Variants in DPP10 observed in about 807,000 individuals in gnomAD.
DPP10 encodes dipeptidyl peptidase like 10, also known as inactive dipeptidyl peptidase 10.
In DPP10, 33 loss-of-function variants were observed where a neutral mutation model predicts 120.9. The ratio of observed to expected loss-of-function variants is 0.27; its 90% CI spans 0.21 to 0.37. The LOEUF (loss-of-function observed/expected upper bound fraction) is 0.37, where lower values mean the gene tolerates loss of function less well. Ranked by LOEUF, DPP10 falls within the 10% of genes least tolerant of loss-of-function variation. The probability of loss-of-function intolerance (pLI) is 1.00; values close to 1 mark genes in which losing one functional copy is unlikely to be tolerated. For synonymous variants in DPP10, 337 were observed against 326.1 expected (o/e 1.03, Z -0.36); for missense variants, 816 against 942.8 (o/e 0.87, Z 1.76).
At chr2:115,351,232 C>T (rs2064012410) in intron 3 of DPP10, among the ~76,000 whole-genome samples, 1 of 152,044 alleles carries the variant, frequency 6.6e-6, no homozygotes, top group Non-Finnish European at 1.5e-5. Flanking sequence ...AACATGGATG[C>T]AGCAGGAAGC....
At chr2:114,452,003 A>C (rs1445898255) in intron 1 of DPP10, among the ~76,000 whole-genome samples, 1 of 152,190 alleles carries the variant, frequency 6.6e-6, no homozygotes, top group Non-Finnish European at 1.5e-5. Flanking sequence ...GGTTATTAAT[A>C]ACTTATTAAT....
rs143056794 is a variant in DPP10 at position 115,606,056 on chromosome 2, G to A, written c.441+80084G>A. 1.2e-4 allele frequency among the ~76,000 whole-genome samples: 19 copies of A among 152,142 alleles called. No homozygotes were observed. The East Asian group carries it at 3.5e-3, about 28-fold the overall frequency. ...TCTAGCCAAATTTAAATTGACCTAC[G>A]AGTTAATAAAAATGTGCTAATTTCT... On this transcript the variant is annotated intron_variant, in intron 5 of 25. Transcript: ENST00000410059.
At chr2:115,521,526 T>G (rs926002294) in intron 4 of DPP10, among the ~76,000 whole-genome samples, 2 of 152,132 alleles carry the variant, frequency 1.3e-5, no homozygotes, top group African/African-American at 4.8e-5. Flanking sequence ...AAAAGCAACA[T>G]TCACCCAATG....
chr2:114,541,786 A>G (rs184062379), intron 1 of DPP10, among the ~76,000 whole-genome samples: 32 of 152,290 alleles, frequency 2.1e-4, no homozygotes, highest in African/African-American at 7.7e-4. Flanking sequence ...CTTATGCCAT[A>G]TGTTGAGCAA....
At chr2:114,453,736 A>G (rs1347820313) in intron 1 of DPP10, among the ~76,000 whole-genome samples, 2 of 152,164 alleles carry the variant, frequency 1.3e-5, no homozygotes, top group African/African-American at 4.8e-5. Context: ...CCAAAGAAAT[A>G]CCTTGATCTT....
intron 3 of DPP10, among the ~76,000 whole-genome samples, chr2:115,435,501 A>G (rs1330932778): frequency 6.6e-6 from 1 of 151,852 alleles, no homozygotes; most frequent in Non-Finnish European, 1.5e-5. Context: ...TCTTCTTTTG[A>G]GAAATGTCTG....
chr2:114,638,714 A>G (rs1695483612), intron 1 of DPP10, among the ~76,000 whole-genome samples: 1 of 151,894 alleles, frequency 6.6e-6, no homozygotes. Flanking sequence ...ACTAATTTGT[A>G]AACTCCAGTT....
At chr2:115,060,054 C>T (rs974026115) in intron 1 of DPP10, among the ~76,000 whole-genome samples, 6 of 151,908 alleles carry the variant, frequency 3.9e-5, no homozygotes, top group Admixed American at 1.3e-4. Flanking sequence ...TTTAAAGCTC[C>T]CTCTCTCACT....
chr2:115,766,886 C>T (rs1183296944), intron 12 of DPP10, among the ~76,000 whole-genome samples: 1 of 152,168 alleles, frequency 6.6e-6, no homozygotes, highest in Non-Finnish European at 1.5e-5. Flanking sequence ...CCAGCGGTTA[C>T]TGCTAAACCA....
intron 1 of DPP10, among the ~76,000 whole-genome samples, chr2:115,000,577 A>G (rs1428657640): frequency 1.3e-5 from 2 of 152,176 alleles, no homozygotes; most frequent in Admixed American, 6.5e-5. Context: ...AACCCACTCC[A>G]TTGCTCATAA....
At chr2:114,699,292 C>CGT (rs5833558) in intron 1 of DPP10, among the ~76,000 whole-genome samples, 1,854 of 148,976 alleles carry the variant, frequency 0.012, 12 homozygotes, top group Middle Eastern at 0.034. Context: ...TATACATATG[C>CGT]GTGTGTGTGT....
chr2:115,386,156 A>C (rs1023631095), intron 3 of DPP10, among the ~76,000 whole-genome samples: 2 of 152,226 alleles, frequency 1.3e-5, no homozygotes, highest in African/African-American at 4.8e-5. Flanking sequence ...GGAAAGAGTA[A>C]TTAAAATACT....
rs183788265 is a variant in DPP10 at position 115,466,522 on chromosome 2, A to G, written c.272-32988A>G. 5.8e-4 allele frequency among the ~76,000 whole-genome samples: 88 copies of G among 152,310 alleles called. No individual in the cohort carries two copies. In the Middle Eastern group the frequency reaches 0.017, roughly 29 times the overall value. On this transcript the variant is annotated intron_variant, in intron 3 of 25. Coordinates refer to ENST00000410059, the MANE Select transcript of DPP10 (RefSeq NM_020868.6). ...TGATTATTGCCAAAACTTCTTTCCT[A>G]TTAAGAGTATTCTACAATAAATTAA...
chr2:114,923,327 G>A (rs897482100), intron 1 of DPP10, among the ~76,000 whole-genome samples: 6 of 151,580 alleles, frequency 4.0e-5, no homozygotes, highest in Admixed American at 2.6e-4. Context: ...GGGATTACAC[G>A]TGTGCGCCAT....
At chr2:115,809,464 A>G (rs1362512807) in intron 19 of DPP10, among the ~76,000 whole-genome samples, 1 of 152,224 alleles carries the variant, frequency 6.6e-6, no homozygotes, top group Non-Finnish European at 1.5e-5. Flanking sequence ...AAGCATAGAT[A>G]GTTGATTATG....
At chr2:114,770,357 A>G (rs555296062) in intron 1 of DPP10, among the ~76,000 whole-genome samples, 17 of 152,304 alleles carry the variant, frequency 1.1e-4, no homozygotes, top group African/African-American at 3.9e-4. Flanking sequence ...GTACTGTGGT[A>G]CTATTAATTT....
intron 1 of DPP10, among the ~76,000 whole-genome samples, chr2:114,658,371 TAGG>T (rs1697122398): frequency 6.6e-6 from 1 of 152,142 alleles, no homozygotes; most frequent in Non-Finnish European, 1.5e-5. Flanking sequence ...GGCTAAAAGA[TAGG>T]AGATTAATGA....
At chr2:115,338,746 C>G (rs2063294778) in intron 2 of DPP10, among the ~76,000 whole-genome samples, 1 of 152,028 alleles carries the variant, frequency 6.6e-6, no homozygotes, top group South Asian at 2.1e-4. Flanking sequence ...AACCAGCAGA[C>G]AAACAAAACT....
chr2:114,521,984 T>C (rs1573556541), intron 1 of DPP10, among the ~76,000 whole-genome samples: 1 of 32,882 alleles, frequency 3.0e-5, no homozygotes, highest in Non-Finnish European at 1.0e-4. Flanking sequence ...ATTTTTTGTA[T>C]TTTTTTTTTT....
Sources: gnomAD v4.1 joint callset for allele counts (sites outside exome capture counted in the v4.1 genomes callset) on GRCh38, gnomAD v4.1.1 for gene constraint, MANE v1.5 for transcripts, NCBI Gene and HGNC (gene_info 2026-07-23, HGNC 2026-07-21) for gene names.